Variants in PTPN3 observed in about 807,000 individuals in gnomAD.
PTPN3 encodes protein tyrosine phosphatase non-receptor type 3.
A neutral mutation model predicts 132.7 loss-of-function variants in PTPN3; 96 were observed. The observed-to-expected ratio is 0.72, with a 90% CI of 0.61 to 0.86. The LOEUF (loss-of-function observed/expected upper bound fraction) is 0.86. Among genes scored for constraint, PTPN3 ranks in the 40% least tolerant of loss-of-function variants. The pLI, the probability that PTPN3 is intolerant of heterozygous loss-of-function variation, is 0.00. For synonymous variants in PTPN3, 398 were observed against 429.0 expected (o/e 0.93, Z 0.89); for missense variants, 1,125 against 1,159.6 (o/e 0.97, Z 0.43).
At chr9:109,528,469 C>T in the PTPN3 span, among the ~76,000 whole-genome samples, 5 of 152,194 alleles carry the variant, frequency 3.3e-5, no homozygotes, top group Non-Finnish European at 7.3e-5. Flanking sequence ...AGAAGCTAGA[C>T]ATGAAAGTGT....
At chr9:109,430,054 G>A (rs545969403) in intron 10 of PTPN3, among the ~76,000 whole-genome samples, 2 of 152,306 alleles carry the variant, frequency 1.3e-5, no homozygotes, top group Admixed American at 1.3e-4. Context: ...AGATGTAACT[G>A]TGAAGTAAAT....
At chr9:109,500,199 T>A (rs139285214), upstream of PTPN3, among the ~76,000 whole-genome samples, 424 of 152,288 alleles carry the variant, frequency 2.8e-3, 2 homozygotes, top group African/African-American at 9.6e-3. Context: ...ATTTCTTGAG[T>A]GCCTACCAAA....
rs1418149010 is a variant in PTPN3 at position 109,391,476 on chromosome 9, A to C, written c.2039T>G (p.Leu680Arg). The change falls in exon 20 of 26, where the codon CTG becomes CGG. Residue 680 changes from leucine to arginine, a missense_variant. Transcript: ENST00000374541. ...NLDKNRYKDV[L>R]PYDTTRVLLQ... ...CATTCATGCCGGATACTCACAAGGC[A>C]GCACATCTTTATATCGGTTTTTGTC... 3 of 1,611,674 alleles carry C rather than the reference A, an allele frequency of 1.9e-6. No homozygotes were observed. Among genetic ancestry groups the C allele is most frequent in the Non-Finnish European group, 2.5e-6 (3 of 1,177,964 alleles).
rs143353313 is a variant in PTPN3, at chr9:109,497,431, G to A, written c.-18+788C>T. 3.0e-3 allele frequency among the ~76,000 whole-genome samples: 459 copies of A among 152,234 alleles called. 2 individuals carry two copies. Among genetic ancestry groups the A allele is most frequent in the Middle Eastern group, 0.017 (5 of 294 alleles). ...CAGAGAGGTTAAACAACTTGCCAAG[G>A]TCACCAGCTGGCCAAGGGGGAGCCC... On this transcript the variant is annotated intron_variant, in intron 1 of 25. Coordinates refer to ENST00000374541, the MANE Select transcript of PTPN3 (RefSeq NM_002829.4).
the PTPN3 span, among the ~76,000 whole-genome samples, chr9:109,527,551 A>G: frequency 6.6e-6 from 1 of 152,234 alleles, no homozygotes; most frequent in African/African-American, 2.4e-5. Flanking sequence ...TAGCATTTTG[A>G]TAGTAAGTAG....
the PTPN3 span, among the ~76,000 whole-genome samples, chr9:109,525,003 C>T: frequency 2.6e-5 from 4 of 152,186 alleles, no homozygotes; most frequent in African/African-American, 7.2e-5. Context: ...ACCTTGGCCT[C>T]CCAAAGTGCT....
chr9:109,463,914 T>A (rs1316660318), intron 1 of PTPN3, among the ~76,000 whole-genome samples: 3 of 151,846 alleles, frequency 2.0e-5, no homozygotes, highest in Admixed American at 6.6e-5. Context: ...ACCGATAGAG[T>A]GGGAGGAGAT....
At chr9:109,413,406 G>A (rs779591348) in intron 14 of PTPN3, among the ~76,000 whole-genome samples, 3 of 152,332 alleles carry the variant, frequency 2.0e-5, no homozygotes, top group African/African-American at 7.2e-5. Context: ...ACAGACAGAC[G>A]AGGAAGAGGA....
chr9:109,520,335 A>G, the PTPN3 span, among the ~76,000 whole-genome samples: 3 of 152,172 alleles, frequency 2.0e-5, no homozygotes, highest in Admixed American at 6.5e-5. Flanking sequence ...TGTATTTGTA[A>G]GAGATTTATA....
the PTPN3 span, among the ~76,000 whole-genome samples, chr9:109,526,672 C>CTAAA: frequency 3.3e-5 from 5 of 152,020 alleles, no homozygotes; most frequent in East Asian, 1.9e-4. Context: ...GAGCCCTTGT[C>CTAAA]TAAATAAATA....
At chr9:109,382,904 G>A (rs988333707) in intron 23 of PTPN3, among the ~76,000 whole-genome samples, 2 of 151,986 alleles carry the variant, frequency 1.3e-5, no homozygotes, top group Non-Finnish European at 2.9e-5. Flanking sequence ...AAAATATCCC[G>A]CAAACATAAA....
the PTPN3 span, among the ~76,000 whole-genome samples, chr9:109,513,283 G>T: frequency 6.6e-6 from 1 of 152,102 alleles, no homozygotes; most frequent in Non-Finnish European, 1.5e-5. Flanking sequence ...GCCTCCCAAA[G>T]TGCTGGGATT....
At chr9:109,450,331 T>C in intron 5 of PTPN3, 1 of 985,348 alleles carries the variant, frequency 1.0e-6, no homozygotes, top group South Asian at 4.7e-5. Flanking sequence ...CAAGCTGACA[T>C]TCAACCAGAA....
At chr9:109,477,069 C>A (rs1467168185) in intron 1 of PTPN3, among the ~76,000 whole-genome samples, 1 of 152,132 alleles carries the variant, frequency 6.6e-6, no homozygotes, top group Non-Finnish European at 1.5e-5. Flanking sequence ...AGACTTCAAA[C>A]AAGGTGATGA....
intron 7 of PTPN3, among the ~76,000 whole-genome samples, chr9:109,443,403 G>A (rs948555663): frequency 6.6e-6 from 1 of 152,046 alleles, no homozygotes; most frequent in African/African-American, 2.4e-5. Context: ...TAGAGACAGG[G>A]TCCTACTATA....
chr9:109,504,797 G>A, the PTPN3 span, among the ~76,000 whole-genome samples: 1 of 152,162 alleles, frequency 6.6e-6, no homozygotes, highest in African/African-American at 2.4e-5. Flanking sequence ...CATTGAGGAT[G>A]CTTCCATCAA....
At chr9:109,512,310 A>T in the PTPN3 span, among the ~76,000 whole-genome samples, 1 of 152,198 alleles carries the variant, frequency 6.6e-6, no homozygotes, top group South Asian at 2.1e-4. Flanking sequence ...TCCTGGGTGC[A>T]GCTGGTGCAG....
chr9:109,488,431 A>C (rs897300996), intron 1 of PTPN3, among the ~76,000 whole-genome samples: 1 of 152,172 alleles, frequency 6.6e-6, no homozygotes, highest in Admixed American at 6.5e-5. Context: ...AAAATCTAAT[A>C]ACACAGTTAA....
rs900842517 is a variant in PTPN3 at position 109,391,878 on chromosome 9, G to C, written c.1954-317C>G. 6.4e-4 allele frequency among the ~76,000 whole-genome samples: 64 copies of C among 99,508 alleles called. 8 individuals carry two copies. Among genetic ancestry groups the C allele is most frequent in the African/African-American group, 2.4e-3 (62 of 25,496 alleles). The allele number at this position is 99,508 out of a possible 152,430, so 65.3% of individuals were successfully genotyped here. On this transcript the variant is annotated intron_variant, in intron 19 of 25. Coordinates refer to ENST00000374541, the MANE Select transcript of PTPN3 (RefSeq NM_002829.4). ...CTAAAAGCAACTAGATGTGGGGGGGGGGGGGAAGAATTCTGGCTCAAAATT... is the reference window on the plus strand; with the variant it reads ...CTAAAAGCAACTAGATGTGGGGGGGCGGGGGAAGAATTCTGGCTCAAAATT...
Sources: gnomAD v4.1 joint callset for allele counts (sites outside exome capture counted in the v4.1 genomes callset) on GRCh38, gnomAD v4.1.1 for gene constraint, MANE v1.5 for transcripts, NCBI Gene and HGNC (gene_info 2026-07-23, HGNC 2026-07-21) for gene names.